The following SDK2 variants were observed in gnomAD, a reference collection of about 807,000 sequenced individuals.
SDK2 encodes the protein sidekick cell adhesion molecule 2.
Under a neutral mutation model 253.9 loss-of-function variants are expected in SDK2, and 105 were observed. The ratio of observed to expected loss-of-function variants is 0.41; its 90% CI spans 0.35 to 0.49. SDK2 has a LOEUF of 0.49. SDK2 is among the 20% of genes least tolerant of loss of function. The probability of loss-of-function intolerance (pLI) is 0.06; values close to 1 mark genes in which losing one functional copy is unlikely to be tolerated. For missense variants in SDK2, 2,608 were observed against 3,003.0 expected, an observed-to-expected ratio of 0.87 and a Z score of 3.07; for synonymous variants, 1,249 against 1,234.9, an observed-to-expected ratio of 1.01 and a Z score of -0.24.
intron 2 of SDK2, among the ~76,000 whole-genome samples, chr17:73,482,524 G>A (rs1291159449): frequency 2.0e-5 from 3 of 152,262 alleles, no homozygotes; most frequent in African/African-American, 4.8e-5. Flanking sequence ...CCGGCCCTGC[G>A]GTCAATGAGA....
At chr17:73,561,552 G>C (rs2145852294) in intron 1 of SDK2, among the ~76,000 whole-genome samples, 1 of 152,336 alleles carries the variant, frequency 6.6e-6, no homozygotes, top group East Asian at 1.9e-4. Context: ...ACATGACACA[G>C]GGTCATTTTG....
At chr17:73,398,476 A>C in intron 22 of SDK2, 47 bp from the exon 23 acceptor site, 1 of 1,527,226 alleles carries the variant, frequency 6.5e-7, no homozygotes, top group Non-Finnish European at 9.0e-7. Flanking sequence ...CAGGGCCCAC[A>C]CGGGGTGCTC....
chr17:73,479,629 T>C (rs1489909572), intron 2 of SDK2, among the ~76,000 whole-genome samples: 2 of 152,268 alleles, frequency 1.3e-5, no homozygotes, highest in African/African-American at 2.4e-5. Context: ...ATGTCACTGC[T>C]CTAAGGACTT....
rs1463311633 is a variant in SDK2, at chr17:73,511,654, G to C, written c.65-4057C>G. Among the ~76,000 whole-genome samples, 2 of 152,160 alleles carry C rather than the reference G, an allele frequency of 1.3e-5. No homozygotes were observed. Among genetic ancestry groups the C allele is most frequent in the African/African-American group, 4.8e-5 (2 of 41,442 alleles). ...GTCCTCACAAGGTTCCTCTCCCCAA[G>C]CTCCTGCGGTGAAGTCACCCCCTCC... On this transcript the variant is annotated intron_variant, in intron 1 of 44. Transcript: ENST00000392650. The surrounding 1 kb of genome is among the most constrained non-coding windows in gnomAD (Gnocchi z 4.9).
chr17:73,526,017 C>T (rs945926810), intron 1 of SDK2, among the ~76,000 whole-genome samples: 12 of 152,190 alleles, frequency 7.9e-5, no homozygotes, highest in East Asian at 1.9e-4. Flanking sequence ...GACAAGTGCG[C>T]GACAGAGTGA....
chr17:73,556,299 C>T (rs1230065740), intron 1 of SDK2, among the ~76,000 whole-genome samples: 1 of 151,972 alleles, frequency 6.6e-6, no homozygotes, highest in East Asian at 1.9e-4. Flanking sequence ...AAGCCAGCGG[C>T]AAGCTTTTAC....
Position 73,379,585 on chromosome 17 carries a change from G to A in SDK2, c.4763-36C>T. The A allele has an allele frequency of 7.5e-7, 1 of 1,329,896 alleles. No individual in the cohort carries two copies. The highest frequency in any genetic ancestry group is 1.9e-4 in the Middle Eastern group (1 of 5,378). The allele number at this position is 1,329,896 out of a possible 1,614,324, so 82.4% of individuals were successfully genotyped here. On this transcript the variant is annotated intron_variant, in intron 34 of 44. Transcript: ENST00000392650. The surrounding 1 kb of genome is among the most constrained non-coding windows in gnomAD (Gnocchi z 4.5). ...GAGTGGGGGAGGGGAAGCACACTGAGGTCACCGTCATTGCTGGGAAGGTGT... is the reference window on the plus strand; with the variant it reads ...GAGTGGGGGAGGGGAAGCACACTGAAGTCACCGTCATTGCTGGGAAGGTGT...
intron 1 of SDK2, among the ~76,000 whole-genome samples, chr17:73,522,851 A>G (rs9892138): frequency 0.02 from 3,054 of 152,322 alleles, 103 homozygotes; most frequent in African/African-American, 0.07. Context: ...CAAGGTTCAC[A>G]TTCAAATGGA....
chr17:73,387,863 T>C lies in SDK2; in HGVS notation c.4367A>G (p.His1456Arg). 2 of 1,586,044 alleles carry C rather than the reference T, an allele frequency of 1.3e-6. No individual in the cohort carries two copies. Among genetic ancestry groups the C allele is most frequent in the South Asian group, 1.2e-5 (1 of 86,850 alleles). Residue 1456 changes from histidine to arginine, a missense_variant, in exon 30 of 45, where the codon CAC becomes CGC. Physicochemically the swap from His to Arg is conservative, Grantham distance 29. Coordinates refer to ENST00000392650, the MANE Select transcript of SDK2 (RefSeq NM_001144952.2). The part of the protein sequence containing the change: ...RWALHSASVS[H>R]NASSFIVDRL... ...GTCCACAATGAAGCTGGAGGCATTG[T>C]GGCTCACGGAGGCCGAGTGCAGTGC...
chr17:73,456,611 T>C (rs2063527404), intron 3 of SDK2, among the ~76,000 whole-genome samples: 1 of 152,208 alleles, frequency 6.6e-6, no homozygotes, highest in Admixed American at 6.5e-5. Context: ...GTTTCTCTCC[T>C]GCGCCTTGGG....
rs567570534 is a variant in SDK2 at position 73,342,363 on chromosome 17, G to A, written c.6166-3423C>T. ...TTCTGTGCCTACTGCCCAGCTGCCC[G>A]CCCAGGAGAACAAAGAGGGGGCACA... is the stretch of plus-strand genomic sequence containing the variant. On this transcript the variant is annotated intron_variant, in intron 44 of 44. Coordinates refer to ENST00000392650, the MANE Select transcript of SDK2 (RefSeq NM_001144952.2). Among the ~76,000 whole-genome samples the A allele has an allele frequency of 5.9e-5, 9 of 152,290 alleles. No individual in the cohort carries two copies. In the South Asian group the frequency reaches 1.7e-3, roughly 28 times the overall value.
rs1244836559 is a variant in SDK2 at position 73,401,085 on chromosome 17, G to A, written c.2906C>T (p.Ala969Val). 2.5e-6 allele frequency: 4 copies of A among 1,570,434 alleles called. No homozygotes were observed. The highest frequency in any genetic ancestry group is 2.7e-5 in the African/African-American group (2 of 74,012). Reference sequence around the variant, plus strand: ...GCCCTGGCCCTTTGAGGTCATGGCGGCCACCTCGATGGTGTAGGTGGTGAG... The same window carrying A: ...GCCCTGGCCCTTTGAGGTCATGGCGACCACCTCGATGGTGTAGGTGGTGAG... ...TALTTYTIEVAAMTSKGQGQV... is the reference protein window; with the variant it reads ...TALTTYTIEVVAMTSKGQGQV... The change falls in exon 21 of 45, where the codon GCC becomes GTC. Residue 969 changes from alanine to valine, a missense_variant. Physicochemically the swap from Ala to Val is moderately conservative, Grantham distance 64 (BLOSUM62 0). This residue lies in a region of SDK2 where 1,505 missense variants were observed against 1,859.1 expected (regional missense o/e 0.81). Transcript: ENST00000392650.
intron 1 of SDK2, among the ~76,000 whole-genome samples, chr17:73,591,159 A>T (rs2045676735): frequency 6.6e-6 from 1 of 152,174 alleles, no homozygotes; most frequent in South Asian, 2.1e-4. Context: ...ACCTCTGGTG[A>T]TCCACCTGCC....
chr17:73,400,591 C>G (rs755136479), intron 21 of SDK2, among the ~76,000 whole-genome samples: 1 of 152,032 alleles, frequency 6.6e-6, no homozygotes, highest in Non-Finnish European at 1.5e-5. Context: ...CAGACCCACA[C>G]AGCACAAGGG....
intron 1 of SDK2, among the ~76,000 whole-genome samples, chr17:73,528,980 C>A (rs558519575): frequency 1.3e-5 from 2 of 152,324 alleles, no homozygotes; most frequent in East Asian, 3.9e-4. Context: ...TTCTGCAGCT[C>A]CTTCTGGTGG....
chr17:73,499,763 G>A (rs1483492797), intron 2 of SDK2, among the ~76,000 whole-genome samples: 1 of 152,138 alleles, frequency 6.6e-6, no homozygotes, highest in East Asian at 1.9e-4. Context: ...TGAAGGTAAT[G>A]AGATTCACCT....
At chr17:73,623,830 T>A (rs897109621) in intron 1 of SDK2, among the ~76,000 whole-genome samples, 10 of 152,206 alleles carry the variant, frequency 6.6e-5, no homozygotes, top group African/African-American at 2.4e-4. Flanking sequence ...TGCCCTTCAA[T>A]AAGTGATGAG....
At chr17:73,527,078 C>T (rs1003425232) in intron 1 of SDK2, among the ~76,000 whole-genome samples, 8 of 152,168 alleles carry the variant, frequency 5.3e-5, no homozygotes, top group African/African-American at 1.2e-4. Flanking sequence ...GGGCTCACTG[C>T]GGATACAGGA....
At chr17:73,412,642 G>A (rs552537343) in intron 18 of SDK2, among the ~76,000 whole-genome samples, 62 of 152,102 alleles carry the variant, frequency 4.1e-4, no homozygotes, top group South Asian at 8.3e-4. Context: ...TAGGCCAGGC[G>A]CGGTGGCTCA....
Sources: gnomAD v4.1 joint callset for allele counts (sites outside exome capture counted in the v4.1 genomes callset) on GRCh38, gnomAD v4.1.1 for gene constraint, gnomAD v4.1.1 regional missense constraint, Gnocchi (gnomAD v3.1) non-coding constraint, MANE v1.5 for transcripts, NCBI Gene and HGNC (gene_info 2026-07-23, HGNC 2026-07-21) for gene names.